Variants in CDH2 observed in about 807,000 individuals in gnomAD.
The protein encoded by CDH2 is cadherin 2, also known as cadherin-2.
CDH2 carries 17 observed loss-of-function variants against 92.0 expected under a neutral mutation model. The ratio of observed to expected loss-of-function variants is 0.18; its 90% CI spans 0.13 to 0.28. The LOEUF (loss-of-function observed/expected upper bound fraction) is 0.28, where lower values mean the gene tolerates loss of function less well. Among genes scored for constraint, CDH2 ranks in the 10% least tolerant of loss-of-function variants. CDH2 has a pLI of 1.00. For synonymous variants in CDH2, 419 were observed against 415.9 expected (o/e 1.01, Z -0.09); for missense variants, 862 against 1,133.1 (o/e 0.76, Z 3.44).
At chr18:28,118,121 T>A (rs2015526370) in intron 2 of CDH2, among the ~76,000 whole-genome samples, 1 of 151,716 alleles carries the variant, frequency 6.6e-6, no homozygotes, top group Admixed American at 6.6e-5. Context: ...TTTAAATATA[T>A]CCCCAATGAT....
intron 10 of CDH2, 133 bp from the exon 11 acceptor site, chr18:27,988,799 C>G: frequency 1.5e-6 from 1 of 663,642 alleles, no homozygotes; most frequent in Non-Finnish European, 2.6e-6. Flanking sequence ...ACAGCTTTAA[C>G]AGGAAAAAGT....
chr18:28,021,227 A>T (rs1192616796), intron 2 of CDH2, among the ~76,000 whole-genome samples: 1 of 152,004 alleles, frequency 6.6e-6, no homozygotes, highest in Non-Finnish European at 1.5e-5. Flanking sequence ...GACACATATA[A>T]ACAGTTAAAA....
intron 2 of CDH2, among the ~76,000 whole-genome samples, chr18:28,103,276 T>A (rs2015261207): frequency 6.9e-6 from 1 of 145,232 alleles, no homozygotes; most frequent in South Asian, 2.1e-4. Context: ...TTTATATATA[T>A]AAAGTATATA....
At chr18:28,136,644 T>C (rs2015867126) in intron 2 of CDH2, among the ~76,000 whole-genome samples, 1 of 152,148 alleles carries the variant, frequency 6.6e-6, no homozygotes, top group Non-Finnish European at 1.5e-5. Flanking sequence ...TAGACTTCTA[T>C]ATAAAAGACA....
At chr18:28,141,996 G>A (rs2015961848) in intron 2 of CDH2, among the ~76,000 whole-genome samples, 2 of 151,868 alleles carry the variant, frequency 1.3e-5, no homozygotes, top group Non-Finnish European at 2.9e-5. Flanking sequence ...AAATGCAAAG[G>A]CACACATTCT....
chr18:28,036,504 T>C (rs1214044600), intron 2 of CDH2: 3 of 1,604,660 alleles, frequency 1.9e-6, no homozygotes, highest in Non-Finnish European at 2.6e-6. Context: ...CTTGGTTCTT[T>C]AATTTCTCAG....
chr18:28,164,507 AT>A (rs1222060400), intron 1 of CDH2, among the ~76,000 whole-genome samples: 1 of 152,168 alleles, frequency 6.6e-6, no homozygotes, highest in Non-Finnish European at 1.5e-5. Flanking sequence ...AGAACAATGA[AT>A]CCACCTTCCC....
At chr18:27,943,607 G>A (rs544844156) in intron 6 of CDH2, among the ~76,000 whole-genome samples, 1 of 152,254 alleles carries the variant, frequency 6.6e-6, no homozygotes, top group South Asian at 2.1e-4. Context: ...ACGTGATGAA[G>A]TAATTACTAT....
At chr18:28,010,816 T>A (rs1287341377) in intron 4 of CDH2, among the ~76,000 whole-genome samples, 1 of 151,774 alleles carries the variant, frequency 6.6e-6, no homozygotes, top group Non-Finnish European at 1.5e-5. Flanking sequence ...CGCCCAGCTA[T>A]TTTTTTCTGT....
At chr18:28,033,294 C>A (rs147266270) in intron 2 of CDH2, among the ~76,000 whole-genome samples, 1 of 151,928 alleles carries the variant, frequency 6.6e-6, no homozygotes, top group Non-Finnish European at 1.5e-5. Context: ...CAAATTTGTT[C>A]GGCAAGGTTT....
intron 6 of CDH2, among the ~76,000 whole-genome samples, chr18:27,938,182 T>C (rs1393825633): frequency 6.6e-6 from 1 of 152,046 alleles, no homozygotes; most frequent in African/African-American, 2.4e-5. Context: ...CCACCAAGAT[T>C]GTAAGTTTTC....
At chr18:28,016,647 T>C (rs1358905697) in intron 2 of CDH2, among the ~76,000 whole-genome samples, 1 of 152,196 alleles carries the variant, frequency 6.6e-6, no homozygotes, top group Non-Finnish European at 1.5e-5. Context: ...TCAAGTCATC[T>C]ATGCACATGG....
At chr18:28,151,823 AC>A (rs2016127386) in intron 1 of CDH2, among the ~76,000 whole-genome samples, 1 of 152,200 alleles carries the variant, frequency 6.6e-6, no homozygotes, top group Non-Finnish European at 1.5e-5. Context: ...TAAAGGGTAA[AC>A]TAAGTATTTC....
At chr18:28,068,646 A>C (rs567070385) in intron 2 of CDH2, among the ~76,000 whole-genome samples, 3 of 152,334 alleles carry the variant, frequency 2.0e-5, no homozygotes, top group African/African-American at 7.2e-5. Flanking sequence ...GACTATTGAC[A>C]CTTGATGTTC....
chr18:28,065,655 A>T (rs2014492329), intron 2 of CDH2, among the ~76,000 whole-genome samples: 1 of 152,178 alleles, frequency 6.6e-6, no homozygotes, highest in Non-Finnish European at 1.5e-5. Flanking sequence ...GTTTGCCCAG[A>T]GTCCTGACTT....
At chr18:28,164,527 C>A (rs896849173) in intron 1 of CDH2, among the ~76,000 whole-genome samples, 1 of 152,148 alleles carries the variant, frequency 6.6e-6, no homozygotes, top group Non-Finnish European at 1.5e-5. Context: ...CCTGTTTTCC[C>A]AGATGCTGTA....
At chr18:28,140,335 T>G (rs560998102) in intron 2 of CDH2, among the ~76,000 whole-genome samples, 1 of 152,086 alleles carries the variant, frequency 6.6e-6, no homozygotes, top group East Asian at 1.9e-4. Flanking sequence ...TAAAAACATT[T>G]GTGCATCAAA....
intron 2 of CDH2, among the ~76,000 whole-genome samples, chr18:28,095,807 C>CAAAAAAAAAAAAAA (rs33981188): frequency 2.6e-4 from 27 of 102,872 alleles, no homozygotes; most frequent in African/African-American, 6.6e-4. Context: ...GCAACTCCAT[C>CAAAAAAAAAAAAAA]AAAAAAAAAA....
intron 2 of CDH2, among the ~76,000 whole-genome samples, chr18:28,039,413 T>C (rs768374948): frequency 3.3e-5 from 5 of 152,126 alleles, no homozygotes; most frequent in Non-Finnish European, 7.4e-5. Context: ...ATTTCACTGA[T>C]TTCGCATACA....
Sources: gnomAD v4.1 joint callset for allele counts (sites outside exome capture counted in the v4.1 genomes callset) on GRCh38, gnomAD v4.1.1 for gene constraint, MANE v1.5 for transcripts, NCBI Gene and HGNC (gene_info 2026-07-23, HGNC 2026-07-21) for gene names.